DIP2B: variants seen among roughly 807,000 people sequenced by gnomAD.
DIP2B encodes DIP2 acetate--CoA ligase B (putative), also known as disco-interacting protein 2 homolog B.
Under a neutral mutation model 198.0 loss-of-function variants are expected in DIP2B, and 76 were observed. That is an observed-to-expected ratio of 0.38 (90% CI 0.32 to 0.46). The LOEUF is 0.46. Ranked by LOEUF, DIP2B falls within the 20% of genes least tolerant of loss-of-function variation. The probability of loss-of-function intolerance (pLI) is 0.99; values close to 1 mark genes in which losing one functional copy is unlikely to be tolerated. For synonymous variants in DIP2B, 701 were observed against 739.1 expected (o/e 0.95, Z 0.84); for missense variants, 1,559 against 1,978.4 (o/e 0.79, Z 4.02).
intron 4 of DIP2B, among the ~76,000 whole-genome samples, chr12:50,662,824 C>A (rs569182484): frequency 1.0e-3 from 155 of 152,206 alleles, no homozygotes; most frequent in Middle Eastern, 3.4e-3. Flanking sequence ...ACCAAAGTGA[C>A]CTAAAGCGGG....
At chr12:50,725,488 G>C (rs1381492606) in intron 28 of DIP2B, among the ~76,000 whole-genome samples, 1 of 152,198 alleles carries the variant, frequency 6.6e-6, no homozygotes, top group Non-Finnish European at 1.5e-5. Context: ...AAAAGCTGTG[G>C]TATAGGAAGA....
chr12:50,677,348 G>A (rs1224062649), intron 7 of DIP2B, among the ~76,000 whole-genome samples: 6 of 152,106 alleles, frequency 3.9e-5, no homozygotes, highest in South Asian at 2.1e-4. Flanking sequence ...TTGGCCGGGC[G>A]CGGTGGCTCA....
chr12:50,567,223 T>G (rs971331470), intron 1 of DIP2B, among the ~76,000 whole-genome samples: 16 of 152,328 alleles, frequency 1.1e-4, no homozygotes, highest in African/African-American at 2.9e-4. Flanking sequence ...CATGAACCCT[T>G]TTCCCAGCCT....
At chr12:50,716,957 G>GTTTTTTTTT (rs1592140618) in intron 23 of DIP2B, among the ~76,000 whole-genome samples, 3 of 7,786 alleles carry the variant, frequency 3.9e-4, no homozygotes, top group African/African-American at 6.7e-4. Context: ...ACGAATTGTT[G>GTTTTTTTTT]CTTTTTTTTT....
At chr12:50,553,157 G>T (rs1308106417) in intron 1 of DIP2B, among the ~76,000 whole-genome samples, 1 of 152,146 alleles carries the variant, frequency 6.6e-6, no homozygotes, top group East Asian at 1.9e-4. Flanking sequence ...TCTATATGGT[G>T]TCAGATAAAG....
intron 1 of DIP2B, among the ~76,000 whole-genome samples, chr12:50,597,421 C>T (rs762555036): frequency 4.6e-5 from 7 of 152,118 alleles, no homozygotes; most frequent in Non-Finnish European, 1.0e-4. Flanking sequence ...AACTGGAGTA[C>T]GCAGACAGCA....
chr12:50,569,315 A>G (rs760071929), intron 1 of DIP2B, among the ~76,000 whole-genome samples: 10 of 152,102 alleles, frequency 6.6e-5, no homozygotes, highest in Non-Finnish European at 1.5e-4. Flanking sequence ...AATGTGTTCA[A>G]TCTTATGGGG....
intron 37 of DIP2B, 62 bp downstream of exon 37, chr12:50,741,601 T>G (rs770954421): frequency 1.0e-5 from 16 of 1,553,924 alleles, no homozygotes; most frequent in Non-Finnish European, 1.4e-5. Flanking sequence ...TCAACTGATC[T>G]AATTAATTGG....
intron 1 of DIP2B, among the ~76,000 whole-genome samples, chr12:50,561,718 G>C (rs998030503): frequency 6.6e-6 from 1 of 150,600 alleles, no homozygotes. Flanking sequence ...AGTGATTCTT[G>C]TGCCTCAGCC....
intron 22 of DIP2B, among the ~76,000 whole-genome samples, chr12:50,710,615 G>C (rs1939598559): frequency 6.6e-6 from 1 of 152,148 alleles, no homozygotes; most frequent in Non-Finnish European, 1.5e-5. Flanking sequence ...AGTAGAGACA[G>C]ATTTTCGCCA....
intron 1 of DIP2B, among the ~76,000 whole-genome samples, chr12:50,607,046 A>G (rs745454351): frequency 8.6e-5 from 13 of 151,520 alleles, no homozygotes; most frequent in Admixed American, 3.3e-4. Flanking sequence ...GACTCAAGCA[A>G]TCTGCCTGCC....
intron 1 of DIP2B, among the ~76,000 whole-genome samples, chr12:50,517,309 A>G (rs531464092): frequency 4.0e-5 from 6 of 151,754 alleles, no homozygotes; most frequent in Non-Finnish European, 7.4e-5. Flanking sequence ...TCCTGGGCTA[A>G]GGTGATCCAC....
intron 19 of DIP2B, among the ~76,000 whole-genome samples, chr12:50,700,213 C>T (rs768865200): frequency 2.2e-4 from 33 of 152,190 alleles, no homozygotes; most frequent in African/African-American, 7.5e-4. Context: ...GACTCGCACA[C>T]GGTTTTCCTG....
intron 1 of DIP2B, among the ~76,000 whole-genome samples, chr12:50,555,800 A>G (rs915808777): frequency 1.3e-5 from 2 of 151,840 alleles, no homozygotes; most frequent in South Asian, 2.1e-4. Context: ...CCCTGAGCAG[A>G]GTAGGGAGGC....
chr12:50,584,019 C>T (rs1476573184), intron 1 of DIP2B, among the ~76,000 whole-genome samples: 1 of 152,228 alleles, frequency 6.6e-6, no homozygotes, highest in African/African-American at 2.4e-5. Flanking sequence ...ATTCCCTTTA[C>T]TTCCATTGCC....
At chr12:50,540,602 G>A (rs1958315508) in intron 1 of DIP2B, among the ~76,000 whole-genome samples, 1 of 145,062 alleles carries the variant, frequency 6.9e-6, no homozygotes, top group African/African-American at 2.5e-5. Context: ...AGGCTGGAGT[G>A]CAGTGGTGCG....
chr12:50,715,112 G>A (rs912308868), intron 23 of DIP2B, among the ~76,000 whole-genome samples: 2 of 152,190 alleles, frequency 1.3e-5, no homozygotes, highest in Admixed American at 1.3e-4. Flanking sequence ...GCATATTTTT[G>A]TCAGGTAAAA....
intron 10 of DIP2B, among the ~76,000 whole-genome samples, chr12:50,684,808 C>T (rs1464282837): frequency 2.0e-5 from 3 of 151,090 alleles, no homozygotes; most frequent in African/African-American, 7.3e-5. Flanking sequence ...AAGAAGAAAT[C>T]AGCCGGGCCG....
At chr12:50,685,807 C>G (rs373202874) in intron 10 of DIP2B, 26 bp from the exon 11 acceptor site, 1 of 1,609,584 alleles carries the variant, frequency 6.2e-7, no homozygotes, top group Non-Finnish European at 8.5e-7. Context: ...GCTCCCCTAC[C>G]TATGTTCATT....
Sources: gnomAD v4.1 joint callset for allele counts (sites outside exome capture counted in the v4.1 genomes callset) on GRCh38, gnomAD v4.1.1 for gene constraint, MANE v1.5 for transcripts, NCBI Gene and HGNC (gene_info 2026-07-23, HGNC 2026-07-21) for gene names.